Variants in CLEC4A observed in about 807,000 individuals in gnomAD.
CLEC4A encodes the protein C-type (calcium dependent, carbohydrate-recognition domain) lectin, superfamily member 6.
A neutral mutation model predicts 32.7 loss-of-function variants in CLEC4A; 27 were observed. The observed-to-expected ratio is 0.83, with a 90% CI of 0.61 to 1.14. The LOEUF (loss-of-function observed/expected upper bound fraction) is 1.14, where lower values mean the gene tolerates loss of function less well. Among genes scored for constraint, CLEC4A ranks in the 50% most tolerant of loss-of-function variants. The pLI is 0.00. For missense variants in CLEC4A, 253 were observed against 274.6 expected (o/e 0.92, Z 0.55); for synonymous variants, 89 against 93.7 (o/e 0.95, Z 0.29).
chr12:8,136,624 G>A (rs952126440), intron 4 of CLEC4A, among the ~76,000 whole-genome samples, 164 bp from the exon 5 acceptor site: 1 of 151,548 alleles, frequency 6.6e-6, no homozygotes, highest in Non-Finnish European at 1.5e-5. Context: ...TACAAGCGAT[G>A]TCTTTGATTC....
At chr12:8,126,814 C>G (rs1947909038) in intron 2 of CLEC4A, among the ~76,000 whole-genome samples, 1 of 152,082 alleles carries the variant, frequency 6.6e-6, no homozygotes, top group African/African-American at 2.4e-5. Flanking sequence ...CAAGAATGAC[C>G]TAGAGATATG....
At chr12:8,117,158 A>T in the CLEC4A span, among the ~76,000 whole-genome samples, 1 of 151,986 alleles carries the variant, frequency 6.6e-6, no homozygotes, top group Non-Finnish European at 1.5e-5. Context: ...CCTTTGGGTT[A>T]TCCAGTGCCA....
At position 8,134,972 on chromosome 12, in the gene CLEC4A, C is replaced by CGTTTTTTTTTTTT. The variant is rs1229942721; in HGVS notation, c.299-607_299-606insTTTTTTTGTTTTT. 1.6e-5 allele frequency: 3 copies of CGTTTTTTTTTTTT among 191,282 alleles called. 1 individual carries two copies. The highest frequency in any genetic ancestry group is 2.2e-5 in the Non-Finnish European group (3 of 137,298). The allele number at this position is 191,282 out of a possible 1,614,324, so 11.8% of individuals were successfully genotyped here. ...GCATGTCTGTATCTTCTTGTTGAAG[C>CGTTTTTTTTTTTT]GTTTTTGTTTTTTGTTTTTTTTTAA... On this transcript the variant is annotated intron_variant, in intron 3 of 5. Coordinates refer to ENST00000229332, the MANE Select transcript of CLEC4A (RefSeq NM_016184.4).
At chr12:8,136,766 A>T (rs370356837) in intron 4 of CLEC4A, 22 bp from the exon 5 acceptor site, 25 of 1,434,220 alleles carry the variant, frequency 1.7e-5, no homozygotes, top group Non-Finnish European at 2.5e-5. Context: ...AAAGGCTGTG[A>T]CTCCTTCTTT....
At position 8,123,795 on chromosome 12, in the gene CLEC4A, A is replaced by C. The variant is rs1210259647; in HGVS notation, c.-84A>C. 6.5e-6 allele frequency: 6 copies of C among 918,820 alleles called. No individual in the cohort carries two copies. The East Asian group carries it at 1.5e-4, about 23-fold the overall frequency. The allele number at this position is 918,820 out of a possible 1,614,324, so 56.9% of individuals were successfully genotyped here. A position where few individuals can be genotyped will look rare whatever the true frequency, so the allele number is the denominator to read the frequency against. ...AGTGAAAGGAAGGAGGTAATTTACC[A>C]CCATGTTTGGTTCCTGTTTATAAGA... is the stretch of plus-strand genomic sequence containing the variant. On this transcript the variant is annotated 5_prime_UTR_variant, in exon 1 of 6. Transcript: ENST00000229332.
chr12:8,129,747 T>A (rs766771895), intron 3 of CLEC4A, among the ~76,000 whole-genome samples: 21 of 152,300 alleles, frequency 1.4e-4, no homozygotes, highest in African/African-American at 5.1e-4. Context: ...GCCGAGGTTG[T>A]GCCACTGCAC....
intron 3 of CLEC4A, chr12:8,133,734 C>T: frequency 1.3e-6 from 2 of 1,586,220 alleles, no homozygotes; most frequent in South Asian, 1.1e-5. Context: ...TAGCTCCTCC[C>T]CTCCCCCTGT....
upstream of CLEC4A, among the ~76,000 whole-genome samples, chr12:8,119,173 C>A (rs2120550776): frequency 6.6e-6 from 1 of 152,256 alleles, no homozygotes; most frequent in Middle Eastern, 3.4e-3. Context: ...AGCCTTGCTG[C>A]AAAAATGGTC....
At position 8,125,690 on chromosome 12, in the gene CLEC4A, A is replaced by G. The variant is rs1317618508; in HGVS notation, c.199+13A>G. On this transcript the variant is annotated intron_variant, in intron 2 of 5. Transcript: ENST00000229332. ...ATTGCTTTTGTCAGTAAGTATGCCAACTGAACCAATAAGCAATATCTGCTG... is the reference window on the plus strand; with the variant it reads ...ATTGCTTTTGTCAGTAAGTATGCCAGCTGAACCAATAAGCAATATCTGCTG... The G allele has an allele frequency of 4.1e-6, 6 of 1,473,826 alleles. No individual in the cohort carries two copies. The highest frequency in any genetic ancestry group is 5.7e-6 in the Non-Finnish European group (6 of 1,052,498). The allele number at this position is 1,473,826 out of a possible 1,614,324, so 91.3% of individuals were successfully genotyped here.
chr12:8,117,593 T>C, the CLEC4A span, among the ~76,000 whole-genome samples: 1 of 152,092 alleles, frequency 6.6e-6, no homozygotes, highest in East Asian at 1.9e-4. Flanking sequence ...TAGGTGACAA[T>C]GTGTTTCAAT....
the CLEC4A span, among the ~76,000 whole-genome samples, chr12:8,117,121 A>T: frequency 9.7e-4 from 147 of 152,318 alleles, no homozygotes; most frequent in Middle Eastern, 3.4e-3. Context: ...TCAAGAATTT[A>T]GGATATATTG....
intron 2 of CLEC4A, among the ~76,000 whole-genome samples, chr12:8,126,350 G>A (rs994643870): frequency 6.6e-6 from 1 of 150,424 alleles, no homozygotes; most frequent in Non-Finnish European, 1.5e-5. Context: ...GATTACAGGT[G>A]TGCATCACTA....
At chr12:8,134,259 C>G in intron 3 of CLEC4A, 1 of 1,611,996 alleles carries the variant, frequency 6.2e-7, no homozygotes, top group South Asian at 1.1e-5. Flanking sequence ...GGCCGCAGCT[C>G]ACACATGTTC....
At chr12:8,114,533 C>T in the CLEC4A span, among the ~76,000 whole-genome samples, 9 of 152,152 alleles carry the variant, frequency 5.9e-5, no homozygotes, top group South Asian at 6.2e-4. Context: ...CGTGAGCCAC[C>T]GCGCCCGGCC....
At chr12:8,132,174 GT>G (rs756685317) in intron 3 of CLEC4A, among the ~76,000 whole-genome samples, 1 of 152,284 alleles carries the variant, frequency 6.6e-6, no homozygotes, top group East Asian at 1.9e-4. Flanking sequence ...ATCACCACGT[GT>G]TTTTTCTTTT....
the CLEC4A span, among the ~76,000 whole-genome samples, chr12:8,111,949 G>A: frequency 6.7e-6 from 1 of 149,440 alleles, no homozygotes; most frequent in Non-Finnish European, 1.5e-5. Flanking sequence ...GTGTGTGTGT[G>A]TGTGTGTGTG....
the CLEC4A span, among the ~76,000 whole-genome samples, chr12:8,117,391 A>G: frequency 1.6e-4 from 25 of 152,018 alleles, no homozygotes; most frequent in Non-Finnish European, 2.6e-4. Flanking sequence ...GGTGCTCATC[A>G]CCACACCTGG....
chr12:8,134,979 G>GTTTTGTTTTTTT (rs1948073835), intron 3 of CLEC4A: 5 of 166,028 alleles, frequency 3.0e-5, no homozygotes, highest in Admixed American at 2.5e-4. Context: ...AAGCGTTTTT[G>GTTTTGTTTTTTT]TTTTTTGTTT....
the CLEC4A span, among the ~76,000 whole-genome samples, chr12:8,115,106 C>G: frequency 6.6e-6 from 1 of 152,192 alleles, no homozygotes; most frequent in African/African-American, 2.4e-5. Flanking sequence ...GTCTGTCTAC[C>G]TGTGGCCTGG....
Sources: allele counts gnomAD v4.1 joint callset (sites outside exome capture counted in the v4.1 genomes callset), GRCh38; gene constraint gnomAD v4.1.1; transcripts MANE v1.5; gene names NCBI Gene and HGNC (gene_info 2026-07-23, HGNC 2026-07-21).